CCDC47: variants seen among roughly 807,000 people sequenced by gnomAD.
CCDC47 encodes coiled-coil domain containing 47.
CCDC47 carries 41 observed loss-of-function variants against 60.5 expected under a neutral mutation model. That is an observed-to-expected ratio of 0.68 (90% CI 0.53 to 0.88). The LOEUF (loss-of-function observed/expected upper bound fraction) is 0.88. CCDC47 is among the 40% of genes least tolerant of loss of function. The pLI, the probability that CCDC47 is intolerant of heterozygous loss-of-function variation, is 0.00. For missense variants in CCDC47, 513 were observed against 580.9 expected (o/e 0.88, Z 1.20); for synonymous variants, 195 against 190.7 (o/e 1.02, Z -0.18).
intron 1 of CCDC47, chr17:63,772,919 TTTGA>T (rs1170727023): frequency 6.6e-6 from 1 of 152,174 alleles, no homozygotes; most frequent in Non-Finnish European, 1.5e-5. Context: ...ACAAGTCTGG[TTTGA>T]TTATTTTCTG....
chr17:63,771,676 T>G (rs1037107879), intron 1 of CCDC47, among the ~76,000 whole-genome samples: 3 of 152,222 alleles, frequency 2.0e-5, no homozygotes, highest in Non-Finnish European at 4.4e-5. Context: ...TTAAAGTTTC[T>G]CTTCTAGTTT....
chr17:63,750,878 C>T (rs2039157928), intron 12 of CCDC47, among the ~76,000 whole-genome samples: 1 of 151,522 alleles, frequency 6.6e-6, no homozygotes, highest in Non-Finnish European at 1.5e-5. Flanking sequence ...TGAGCCACCA[C>T]GCCCGGCCTG....
intron 12 of CCDC47, 64 bp downstream of exon 12, chr17:63,751,876 C>A: frequency 6.4e-7 from 1 of 1,569,310 alleles, no homozygotes; most frequent in South Asian, 1.1e-5. Context: ...CCTTAACAAC[C>A]AACAGAACAC....
Position 63,764,866 on chromosome 17 carries a change from A to C in CCDC47, c.265-19T>G. On this transcript the variant is annotated intron_variant, in intron 2 of 12. Coordinates refer to ENST00000225726, the MANE Select transcript of CCDC47 (RefSeq NM_020198.3). ...CTCCCTCCTACAAAAATGAGGCATC[A>C]TCCGTTTTCCTCTACAAATGTCACC... 6.2e-7 allele frequency: 1 copy of C among 1,605,690 alleles called. No homozygotes were observed. Among genetic ancestry groups the C allele is most frequent in the South Asian group, 1.1e-5 (1 of 88,954 alleles).
chr17:63,765,297 C>T (rs998230941), intron 2 of CCDC47, among the ~76,000 whole-genome samples: 1 of 152,002 alleles, frequency 6.6e-6, no homozygotes, highest in African/African-American at 2.4e-5. Flanking sequence ...GCACCCAAAA[C>T]ACCAAAATGA....
chr17:63,762,016 C>A (rs1024247137), intron 4 of CCDC47: 1 of 899,830 alleles, frequency 1.1e-6, no homozygotes, highest in Non-Finnish European at 1.3e-6. Context: ...ATAAAAAATA[C>A]CATTAATACA....
At chr17:63,761,019 TC>T in intron 5 of CCDC47, 40 bp from the exon 6 acceptor site, 2 of 1,523,582 alleles carry the variant, frequency 1.3e-6, no homozygotes, top group Non-Finnish European at 1.8e-6. Flanking sequence ...CAACTGCAAC[TC>T]CTACTTAGTA....
chr17:63,751,468 T>C (rs1190971164), intron 12 of CCDC47, among the ~76,000 whole-genome samples: 3 of 142,662 alleles, frequency 2.1e-5, no homozygotes, highest in Non-Finnish European at 3.0e-5. Flanking sequence ...CTTTCAAATA[T>C]AACATACTAT....
At chr17:63,751,714 G>C (rs570457778) in intron 12 of CCDC47, 117 of 593,718 alleles carry the variant, frequency 2.0e-4, no homozygotes, top group Non-Finnish European at 2.8e-4. Context: ...TGTGCTGGGG[G>C]AACAGGATAA....
Position 63,746,747 on chromosome 17 carries a change from A to G in CCDC47, c.*134T>C. The G allele has an allele frequency of 1.5e-6, 1 of 684,266 alleles. No individual in the cohort carries two copies. The highest frequency in any genetic ancestry group is 2.6e-6 in the Non-Finnish European group (1 of 388,168). The allele number at this position is 684,266 out of a possible 1,614,324, so 42.4% of individuals were successfully genotyped here. ...AAACCCCAAACCCCAAACAGAGTAGATGATGAAATAAGGATTTCTCAGTTG... is the reference window on the plus strand; with the variant it reads ...AAACCCCAAACCCCAAACAGAGTAGGTGATGAAATAAGGATTTCTCAGTTG... On this transcript the variant is annotated 3_prime_UTR_variant, in exon 13 of 13. Coordinates refer to ENST00000225726, the MANE Select transcript of CCDC47 (RefSeq NM_020198.3).
At position 63,751,924 on chromosome 17, in the gene CCDC47, G is replaced by T. The variant is rs1480298391; in HGVS notation, c.1371+16C>A. On this transcript the variant is annotated intron_variant, in intron 12 of 12. Transcript: ENST00000225726. ...TTACAAATCGTAGTTTTACCCCAGT[G>T]ATAAGTTTGTCTAACCTCCAGCCTG... 1 of 1,613,274 alleles carries T rather than the reference G, an allele frequency of 6.2e-7. No individual in the cohort carries two copies. Among genetic ancestry groups the T allele is most frequent in the African/African-American group, 1.3e-5 (1 of 74,900 alleles).
rs761810147 is a variant in CCDC47, at chr17:63,764,847, C to G, written c.265G>C (p.Glu89Gln). ...EGDFEDADTQ[E>Q]GDTESEPYDD... is the part of the protein sequence containing the mutation. ...TATGGTTCACTCTCAGTATCTCCCT[C>G]CTACAAAAATGAGGCATCATCCGTT... Residue 89 changes from glutamate (E) to glutamine (Q), a missense_variant and splice_region_variant, in exon 3 of 13, where the codon GAG (glutamate) becomes CAG (glutamine). Coordinates refer to ENST00000225726, the MANE Select transcript of CCDC47 (RefSeq NM_020198.3). 5.0e-6 allele frequency: 8 copies of G among 1,608,538 alleles called. No homozygotes were observed. In the Admixed American group the frequency reaches 8.5e-5, roughly 17 times the overall value.
In CCDC47 at chr17:63,754,426, T is replaced by C. The variant is rs374598726; in HGVS notation, c.1034+7A>G. 198 of 1,538,534 alleles carry C rather than the reference T, an allele frequency of 1.3e-4. 2 individuals carry two copies. In the South Asian group the frequency reaches 1.9e-3, roughly 14 times the overall value. ...AATTAATTTCAACAATTTTATCTTA[T>C]ACGTACTCTTGCATAATTTTTGGAC... On this transcript the variant is annotated splice_region_variant and intron_variant, in intron 9 of 12. Transcript: ENST00000225726.
Position 63,746,638 on chromosome 17 carries a change from T to C in CCDC47, c.*243A>G, listed in dbSNP as rs145714336. Reference sequence around the variant, plus strand: ...ACACAGATTTCATAGATCATTCCTTTTATAAAATAATCAAAATAATTTGAT... The same window carrying C: ...ACACAGATTTCATAGATCATTCCTTCTATAAAATAATCAAAATAATTTGAT... On this transcript the variant is annotated 3_prime_UTR_variant, in exon 13 of 13. Transcript: ENST00000225726. 4.2e-4 allele frequency: 166 copies of C among 394,634 alleles called. No homozygotes were observed. Among genetic ancestry groups the C allele is most frequent in the Non-Finnish European group, 3.6e-5 (8 of 219,676 alleles). The allele number at this position is 394,634 out of a possible 1,614,324, so 24.4% of individuals were successfully genotyped here.
rs34119562 is a variant in CCDC47 at position 63,749,453 on chromosome 17, GAAAAA to G, written c.1371+2482_1371+2486del. On this transcript the variant is annotated intron_variant, in intron 12 of 12. Transcript: ENST00000225726. ...ACCATTTCCCCACTACCAGAATAAG[GAAAAA>G]AAAAAAAAAAAAAGACCTGGCACGG... Among the ~76,000 whole-genome samples the G allele has an allele frequency of 3.9e-5, 4 of 101,288 alleles. No homozygotes were observed. In the Admixed American group the frequency reaches 4.4e-4, roughly 11 times the overall value. The allele number at this position is 101,288 out of a possible 152,430, so 66.4% of individuals were successfully genotyped here.
rs142780695 is a variant in CCDC47, at chr17:63,756,430, C to G, written c.837+39G>C. ...TGAATATGTGTGTGCTAAGGAGACA[C>G]AGTTCTACGTATATTTGAGTTGGAG... On this transcript the variant is annotated intron_variant, in intron 7 of 12. Transcript: ENST00000225726. 1.9e-6 allele frequency: 3 copies of G among 1,581,062 alleles called. No homozygotes were observed. The South Asian group carries it at 3.3e-5, about 17-fold the overall frequency.
At chr17:63,769,172 C>G (rs1185464992) in intron 1 of CCDC47, among the ~76,000 whole-genome samples, 1 of 151,002 alleles carries the variant, frequency 6.6e-6, no homozygotes, top group Non-Finnish European at 1.5e-5. Context: ...ATCACCTGAG[C>G]CCAGGAGGTT....
Position 63,759,506 on chromosome 17 carries a change from AAAATATATATATATATATATTTATATAT to A in CCDC47, c.735+1380_735+1407del, listed in dbSNP as rs1232134931. ...TCTGTCTCCCAAAAAAAAAAAAAAA[AAAATATATATATATATATATTTATATAT>A]ATATATATATATATATATATATATA... On this transcript the variant is annotated intron_variant, in intron 6 of 12. Coordinates refer to ENST00000225726, the MANE Select transcript of CCDC47 (RefSeq NM_020198.3). Among the ~76,000 whole-genome samples the A allele has an allele frequency of 4.1e-4, 10 of 24,472 alleles. 2 individuals are homozygous for A. The highest frequency in any genetic ancestry group is 0.03 in the Middle Eastern group (2 of 66). 16.1% of individuals were successfully genotyped at this position (24,472 alleles called of 152,430 possible).
intron 8 of CCDC47, 77 bp downstream of exon 8, chr17:63,756,163 T>C (rs181576110): frequency 1.1e-6 from 1 of 932,318 alleles, no homozygotes; most frequent in African/African-American, 1.6e-5. Flanking sequence ...AATGATGAAC[T>C]TGTACAATGA....
Sources: allele counts gnomAD v4.1 joint callset (sites outside exome capture counted in the v4.1 genomes callset), GRCh38; gene constraint gnomAD v4.1.1; transcripts MANE v1.5; gene names NCBI Gene and HGNC (gene_info 2026-07-23, HGNC 2026-07-21).